Variants in RREB1 observed in about 807,000 individuals in gnomAD.
RREB1 encodes ras responsive element binding protein 1.
A neutral mutation model predicts 117.8 loss-of-function variants in RREB1; 27 were observed. That is an observed-to-expected ratio of 0.23 (90% confidence interval 0.17 to 0.32). The LOEUF (loss-of-function observed/expected upper bound fraction) is 0.32. Among genes scored for constraint, RREB1 ranks in the 10% least tolerant of loss-of-function variants. The probability of loss-of-function intolerance (pLI) is 1.00; values close to 1 mark genes in which losing one functional copy is unlikely to be tolerated. For synonymous variants in RREB1, 1,298 were observed against 1,026.7 expected (o/e 1.26, Z -5.05); for missense variants, 2,577 against 2,378.2 (o/e 1.08, Z -1.74).
At chr6:7,166,575 A>G (rs1012203204) in intron 1 of RREB1, among the ~76,000 whole-genome samples, 1 of 152,188 alleles carries the variant, frequency 6.6e-6, no homozygotes, top group African/African-American at 2.4e-5. Context: ...CTGATTACGC[A>G]CTGTGAAATT....
intron 6 of RREB1, among the ~76,000 whole-genome samples, chr6:7,210,178 T>A (rs749377779): frequency 6.6e-5 from 10 of 152,240 alleles, no homozygotes; most frequent in Non-Finnish European, 1.5e-4. Flanking sequence ...CCTGTAGATA[T>A]TAGAGTTACC....
rs186014562 is a variant in RREB1, at chr6:7,168,239, A to G, written c.-284-8416A>G. On this transcript the variant is annotated intron_variant, in intron 1 of 12. Coordinates refer to ENST00000379938, the MANE Select transcript of RREB1 (RefSeq NM_001003699.4). ...CACTGCACTCCAGCCTGGGTGACAG[A>G]GTGAGACTCCGTCTGAAAAAAAAAA... Among the ~76,000 whole-genome samples, 54 of 125,780 alleles carry G rather than the reference A, an allele frequency of 4.3e-4. 1 individual carries two copies. In the East Asian group the frequency reaches 0.014, roughly 33 times the overall value. The allele number at this position is 125,780 out of a possible 152,430, so 82.5% of individuals were successfully genotyped here.
At chr6:7,227,542 G>GAA (rs11399954) in intron 9 of RREB1, among the ~76,000 whole-genome samples, 195 of 149,440 alleles carry the variant, frequency 1.3e-3, no homozygotes, top group African/African-American at 4.3e-3. Context: ...CTCCGTCTAA[G>GAA]AAAAAAAAAA....
At chr6:7,174,265 C>G (rs1254711545) in intron 1 of RREB1, among the ~76,000 whole-genome samples, 2 of 151,558 alleles carry the variant, frequency 1.3e-5, no homozygotes, top group Non-Finnish European at 2.9e-5. Context: ...CTCCCTCAGG[C>G]CTAATAGAAC....
At chr6:7,137,850 C>T (rs904731427) in intron 1 of RREB1, among the ~76,000 whole-genome samples, 3 of 151,962 alleles carry the variant, frequency 2.0e-5, no homozygotes, top group South Asian at 2.1e-4. Context: ...GTGGTAGGCC[C>T]GGCGAGCGGT....
At chr6:7,196,342 AACTC>A (rs1231981383) in intron 6 of RREB1, among the ~76,000 whole-genome samples, 1 of 150,734 alleles carries the variant, frequency 6.6e-6, no homozygotes, top group Non-Finnish European at 1.5e-5. Flanking sequence ...TTTATAGAGC[AACTC>A]ACTCTATTTC....
intron 1 of RREB1, among the ~76,000 whole-genome samples, chr6:7,129,126 T>C (rs1247533280): frequency 1.3e-5 from 2 of 152,216 alleles, no homozygotes; most frequent in Admixed American, 1.3e-4. Context: ...GGAATTCTTA[T>C]GCCATGTGGA....
chr6:7,236,229 C>G (rs1035483226), intron 10 of RREB1, among the ~76,000 whole-genome samples: 3 of 152,174 alleles, frequency 2.0e-5, no homozygotes, highest in African/African-American at 7.2e-5. Context: ...ATTTTCTTCC[C>G]CCTTCCCTTT....
chr6:7,161,906 C>T (rs964138727), intron 1 of RREB1, among the ~76,000 whole-genome samples: 3 of 152,142 alleles, frequency 2.0e-5, no homozygotes, highest in Non-Finnish European at 4.4e-5. Flanking sequence ...AAATCTGCTA[C>T]CAAGAGCTTT....
At chr6:7,115,550 C>T (rs896972029) in intron 1 of RREB1, among the ~76,000 whole-genome samples, 5 of 152,214 alleles carry the variant, frequency 3.3e-5, no homozygotes, top group Admixed American at 1.3e-4. Context: ...TCTAAACCAG[C>T]GGTTAGTCAG....
chr6:7,136,738 A>C (rs1000139656), intron 1 of RREB1, among the ~76,000 whole-genome samples: 1 of 152,238 alleles, frequency 6.6e-6, no homozygotes, highest in African/African-American at 2.4e-5. Context: ...TAAAACAATA[A>C]ATAAAGCATA....
rs1190717080 is a variant in RREB1, at chr6:7,246,800, C to T, written c.4350C>T (p.Cys1450=). The T allele has an allele frequency of 3.2e-6, 5 of 1,552,168 alleles. No individual in the cohort carries two copies. Among genetic ancestry groups the T allele is most frequent in the Admixed American group, 3.9e-5 (2 of 50,656 alleles). ...CCTCGCAGGAGCAGAAGCTCGCCTGCGACACCTGTGGGAAGAGCTTCAAGT... is the reference window on the plus strand; with the variant it reads ...CCTCGCAGGAGCAGAAGCTCGCCTGTGACACCTGTGGGAAGAGCTTCAAGT... The part of the protein sequence containing the change: ...GAASQEQKLA[C]DTCGKSFKFL... The change falls in exon 12 of 13, where the codon TGC becomes TGT. Residue 1450 remains cysteine (C), a synonymous_variant. Transcript: ENST00000379938.
chr6:7,240,333 A>G, intron 10 of RREB1, 105 bp from the exon 11 acceptor site: 2 of 745,748 alleles, frequency 2.7e-6, no homozygotes, highest in Non-Finnish European at 2.1e-6. Context: ...GGGATGGAGG[A>G]GGGGGGAACA....
chr6:7,172,269 G>A (rs1764250752), intron 1 of RREB1, among the ~76,000 whole-genome samples: 1 of 151,504 alleles, frequency 6.6e-6, no homozygotes, highest in Admixed American at 6.6e-5. Context: ...GAGGATGAGA[G>A]TATAGGAGTG....
intron 1 of RREB1, among the ~76,000 whole-genome samples, chr6:7,128,086 G>A (rs1421427485): frequency 6.6e-6 from 1 of 152,048 alleles, no homozygotes; most frequent in African/African-American, 2.4e-5. Flanking sequence ...TTTATAGCCT[G>A]ACTTTATACA....
At chr6:7,235,185 A>G (rs1768240836) in intron 10 of RREB1, among the ~76,000 whole-genome samples, 1 of 152,188 alleles carries the variant, frequency 6.6e-6, no homozygotes, top group African/African-American at 2.4e-5. Context: ...ATCATGTTAT[A>G]TGGAGCACTT....
intron 1 of RREB1, among the ~76,000 whole-genome samples, chr6:7,145,082 C>T (rs755277900): frequency 3.3e-5 from 5 of 152,180 alleles, no homozygotes; most frequent in Admixed American, 6.5e-5. Flanking sequence ...AAAAAAGACA[C>T]CCATTCTTTC....
intron 10 of RREB1, among the ~76,000 whole-genome samples, chr6:7,234,862 C>A (rs2113139524): frequency 6.6e-6 from 1 of 152,344 alleles, no homozygotes; most frequent in Non-Finnish European, 1.5e-5. Flanking sequence ...TTCTGTGCAA[C>A]TGCCCACTGG....
At chr6:7,131,033 G>C (rs952013755) in intron 1 of RREB1, among the ~76,000 whole-genome samples, 2 of 150,702 alleles carry the variant, frequency 1.3e-5, no homozygotes, top group African/African-American at 4.9e-5. Flanking sequence ...CCGCCTCTCG[G>C]GTTCACACCA....
Sources: allele counts gnomAD v4.1 joint callset (sites outside exome capture counted in the v4.1 genomes callset), GRCh38; gene constraint gnomAD v4.1.1; transcripts MANE v1.5; gene names NCBI Gene and HGNC (gene_info 2026-07-23, HGNC 2026-07-21).